The following PTPRD variants were observed in gnomAD, a reference collection of about 807,000 sequenced individuals.
The protein encoded by PTPRD is protein tyrosine phosphatase receptor type D, also known as receptor-type tyrosine-protein phosphatase delta.
PTPRD carries 34 observed loss-of-function variants against 214.5 expected under a neutral mutation model. The ratio of observed to expected loss-of-function variants is 0.16; its 90% confidence interval spans 0.12 to 0.21. PTPRD has a LOEUF of 0.21. PTPRD is among the 10% of genes least tolerant of loss of function. The probability of loss-of-function intolerance (pLI) is 1.00; values close to 1 mark genes in which losing one functional copy is unlikely to be tolerated. For missense variants in PTPRD, 2,545 were observed against 2,398.7 expected, an observed-to-expected ratio of 1.06 and a Z score of -1.27; for synonymous variants, 1,128 against 845.7, an observed-to-expected ratio of 1.33 and a Z score of -5.79.
chr9:10,580,027 T>C (rs865916807), intron 2 of PTPRD, among the ~76,000 whole-genome samples: 12 of 152,202 alleles, frequency 7.9e-5, no homozygotes, highest in Admixed American at 7.2e-4. Context: ...TTCTGAAATG[T>C]ATAGAAACCT....
intron 7 of PTPRD, among the ~76,000 whole-genome samples, chr9:9,622,152 G>C (rs1435805016): frequency 6.6e-6 from 1 of 152,138 alleles, no homozygotes; most frequent in Admixed American, 6.5e-5. Context: ...CAATAAAAAG[G>C]CACTAATGTT....
chr9:8,956,633 C>G (rs2099133035), intron 11 of PTPRD, among the ~76,000 whole-genome samples: 1 of 151,784 alleles, frequency 6.6e-6, no homozygotes, highest in African/African-American at 2.4e-5. Flanking sequence ...AGGATTGGAG[C>G]TATGTAACAT....
chr9:9,842,329 GAC>G (rs2058541012), intron 5 of PTPRD, among the ~76,000 whole-genome samples: 1 of 84,344 alleles, frequency 1.2e-5, no homozygotes, highest in Admixed American at 1.5e-4. Context: ...TTTTGTCATG[GAC>G]ACCAAGAAGG....
intron 2 of PTPRD, among the ~76,000 whole-genome samples, chr9:10,591,143 T>C (rs924700959): frequency 6.6e-6 from 1 of 151,930 alleles, no homozygotes; most frequent in Non-Finnish European, 1.5e-5. Context: ...AGACCTGTTT[T>C]GTGTGGACCC....
chr9:8,561,194 C>T (rs946228642), intron 14 of PTPRD, among the ~76,000 whole-genome samples: 1 of 152,130 alleles, frequency 6.6e-6, no homozygotes. Context: ...CACTGTCCTG[C>T]CCACCTTTGA....
intron 2 of PTPRD, among the ~76,000 whole-genome samples, chr9:10,403,848 G>A (rs1466162992): frequency 1.3e-5 from 2 of 151,662 alleles, no homozygotes; most frequent in Admixed American, 6.6e-5. Flanking sequence ...TAGGACAAAG[G>A]GAAGGATGAA....
chr9:9,815,763 A>G (rs2048555259), intron 5 of PTPRD, among the ~76,000 whole-genome samples: 1 of 152,154 alleles, frequency 6.6e-6, no homozygotes, highest in Non-Finnish European at 1.5e-5. Flanking sequence ...GGGATGGGGC[A>G]TGAGAGTATG....
intron 7 of PTPRD, among the ~76,000 whole-genome samples, chr9:9,679,372 G>C (rs1056205870): frequency 6.6e-6 from 1 of 151,656 alleles, no homozygotes; most frequent in African/African-American, 2.4e-5. Context: ...TGAATATATA[G>C]TCAATCAATC....
rs190468883 is a variant in PTPRD, at chr9:8,457,693, T to C, written c.3875+2718A>G. ...CTAGCATCTTAGAAGCAGAGATATA[T>C]GATAAAGTGGATTATCAATATAATG... On this transcript the variant is annotated intron_variant, in intron 33 of 45. Transcript: ENST00000381196. Among the ~76,000 whole-genome samples the C allele has an allele frequency of 2.6e-5, 4 of 152,256 alleles. No individual in the cohort carries two copies. The East Asian group carries it at 5.8e-4, about 22-fold the overall frequency.
At chr9:9,307,189 G>C (rs1431203590) in intron 9 of PTPRD, among the ~76,000 whole-genome samples, 5 of 152,256 alleles carry the variant, frequency 3.3e-5, no homozygotes, top group Admixed American at 2.6e-4. Flanking sequence ...ATGGCAGTTA[G>C]CTGAAAATTG....
chr9:8,927,553 C>T (rs530661699), intron 11 of PTPRD, among the ~76,000 whole-genome samples: 54 of 152,244 alleles, frequency 3.5e-4, no homozygotes, highest in African/African-American at 1.2e-3. Flanking sequence ...CTTTTTTTGG[C>T]TGCATAGTAT....
At chr9:10,073,030 G>A (rs921202653) in intron 3 of PTPRD, among the ~76,000 whole-genome samples, 8 of 151,936 alleles carry the variant, frequency 5.3e-5, no homozygotes, top group South Asian at 2.1e-4. Flanking sequence ...ACAAAATATC[G>A]ATTAATACAT....
intron 4 of PTPRD, among the ~76,000 whole-genome samples, chr9:9,960,815 T>C (rs192535921): frequency 1.3e-5 from 2 of 151,334 alleles, no homozygotes; most frequent in Admixed American, 6.6e-5. Context: ...ACAAAGAAAA[T>C]AGAAATAAAA....
intron 8 of PTPRD, among the ~76,000 whole-genome samples, chr9:9,426,341 G>A (rs2080909197): frequency 6.6e-6 from 1 of 152,218 alleles, no homozygotes; most frequent in Admixed American, 6.5e-5. Flanking sequence ...GAACTGCAAG[G>A]CGGCAGCAAG....
chr9:10,467,189 C>T (rs2099000578), intron 2 of PTPRD, among the ~76,000 whole-genome samples: 1 of 152,142 alleles, frequency 6.6e-6, no homozygotes, highest in East Asian at 1.9e-4. Flanking sequence ...AATTTCACTA[C>T]TTATGGGGGC....
At chr9:8,948,050 T>A (rs1346123355) in intron 11 of PTPRD, among the ~76,000 whole-genome samples, 3 of 145,566 alleles carry the variant, frequency 2.1e-5, no homozygotes, top group Non-Finnish European at 4.5e-5. Flanking sequence ...AGACGGAGTC[T>A]CACTCTGTCG....
At position 8,929,562 on chromosome 9, in the gene PTPRD, T is replaced by C. The variant is rs2098929847; in HGVS notation, c.-104+89135A>G. 5.3e-5 allele frequency among the ~76,000 whole-genome samples: 8 copies of C among 151,896 alleles called. No homozygotes were observed. The South Asian group carries it at 1.7e-3, about 32-fold the overall frequency. On this transcript the variant is annotated intron_variant, in intron 11 of 45. Coordinates refer to ENST00000381196, the MANE Select transcript of PTPRD (RefSeq NM_002839.4). Reference sequence around the variant, plus strand: ...GCCGACTTGATCGTGGTAGATAAGCTTTTTGATGTGCTGCTGGATTCGGTT... The same window carrying C: ...GCCGACTTGATCGTGGTAGATAAGCCTTTTGATGTGCTGCTGGATTCGGTT...
At chr9:9,807,165 AGC>A (rs1370062621) in intron 5 of PTPRD, among the ~76,000 whole-genome samples, 1 of 152,138 alleles carries the variant, frequency 6.6e-6, no homozygotes, top group Admixed American at 6.6e-5. Flanking sequence ...TATGCCCCTC[AGC>A]AGAATTATTT....
intron 10 of PTPRD, among the ~76,000 whole-genome samples, chr9:9,087,478 A>G (rs1192884024): frequency 6.6e-6 from 1 of 152,206 alleles, no homozygotes; most frequent in African/African-American, 2.4e-5. Context: ...TTGTCCTTCC[A>G]TAAAGAAATG....
Sources: allele counts gnomAD v4.1 joint callset (sites outside exome capture counted in the v4.1 genomes callset), GRCh38; gene constraint gnomAD v4.1.1; transcripts MANE v1.5; gene names NCBI Gene and HGNC (gene_info 2026-07-23, HGNC 2026-07-21).